ARPP21: variants seen among roughly 807,000 people sequenced by gnomAD.
ARPP21 encodes the protein cAMP regulated phosphoprotein 21, also known as cAMP-regulated phosphoprotein 21.
ARPP21 carries 69 observed loss-of-function variants against 113.2 expected under a neutral mutation model. The observed-to-expected ratio is 0.61, with a 90% CI of 0.50 to 0.74. The LOEUF (loss-of-function observed/expected upper bound fraction) is 0.74. ARPP21 is among the 30% of genes least tolerant of loss of function. The pLI is 0.00. For synonymous variants in ARPP21, 368 were observed against 375.5 expected (o/e 0.98, Z 0.23); for missense variants, 1,070 against 1,037.4 (o/e 1.03, Z -0.43).
At chr3:35,712,232 G>A (rs1027215546) in intron 11 of ARPP21, among the ~76,000 whole-genome samples, 4 of 152,176 alleles carry the variant, frequency 2.6e-5, no homozygotes, top group South Asian at 2.1e-4. Context: ...AGGAAACTGT[G>A]TTACAGAACT....
intron 15 of ARPP21, among the ~76,000 whole-genome samples, chr3:35,735,197 A>G (rs756813238): frequency 4.6e-5 from 7 of 152,200 alleles, no homozygotes; most frequent in Non-Finnish European, 8.8e-5. Context: ...TTAGCTCACA[A>G]CAACCTCTCT....
intron 10 of ARPP21, chr3:35,707,601 T>C: frequency 2.2e-6 from 1 of 452,454 alleles, no homozygotes; most frequent in Non-Finnish European, 4.5e-6. Context: ...AAGAATTGAG[T>C]TCATGTTTTA....
chr3:35,700,355 A>G (rs2085881126), intron 9 of ARPP21, among the ~76,000 whole-genome samples: 1 of 151,768 alleles, frequency 6.6e-6, no homozygotes, highest in Admixed American at 6.6e-5. Context: ...TTTCAAATAT[A>G]GTATGCTAGT....
chr3:35,753,313 A>T (rs2095466652), intron 19 of ARPP21, among the ~76,000 whole-genome samples: 1 of 152,054 alleles, frequency 6.6e-6, no homozygotes, highest in South Asian at 2.1e-4. Flanking sequence ...ACATATGAAT[A>T]TACACATTTT....
At chr3:35,668,026 GAAGA>G (rs2075307486) in intron 1 of ARPP21, among the ~76,000 whole-genome samples, 4 of 143,910 alleles carry the variant, frequency 2.8e-5, no homozygotes, top group African/African-American at 5.2e-5. Flanking sequence ...AGAAGAAGAA[GAAGA>G]AGGAGAAGAA....
At position 35,737,180 on chromosome 3, in the gene ARPP21, C is replaced by A. The variant is rs757154217; in HGVS notation, c.1462C>A (p.Gln488Lys). 8 of 1,601,574 alleles carry A rather than the reference C, an allele frequency of 5.0e-6. No individual in the cohort carries two copies. The highest frequency in any genetic ancestry group is 6.8e-6 in the Non-Finnish European group (8 of 1,170,886). ...GSILLNPHTGQPFVNPDGTPA... is the reference protein window; with the variant it reads ...GSILLNPHTGKPFVNPDGTPA... Reference sequence around the variant, plus strand: ...ACTAAGTTCTGATTCCATTGCAGGCCAGCCCTTTGTGAATCCCGATGGAAC... The same window carrying A: ...ACTAAGTTCTGATTCCATTGCAGGCAAGCCCTTTGTGAATCCCGATGGAAC... Residue 488 changes from glutamine to lysine, a missense_variant and splice_region_variant, in exon 16 of 21, where the codon CAG (glutamine) becomes AAG (lysine). Coordinates refer to ENST00000684406, the MANE Select transcript of ARPP21 (RefSeq NM_001385562.1).
chr3:35,712,161 A>G (rs2091327362), intron 11 of ARPP21, among the ~76,000 whole-genome samples: 1 of 152,210 alleles, frequency 6.6e-6, no homozygotes, highest in Non-Finnish European at 1.5e-5. Context: ...TCATTCTTTC[A>G]TAAGATGATA....
chr3:35,652,072 G>T (rs980224356), intron 1 of ARPP21: 1 of 152,078 alleles, frequency 6.6e-6, no homozygotes, highest in African/African-American at 2.4e-5. Flanking sequence ...CTTTGAAAAA[G>T]AGATGTGGGT....
intron 9 of ARPP21, among the ~76,000 whole-genome samples, chr3:35,699,948 C>T (rs1206542225): frequency 2.6e-5 from 4 of 151,704 alleles, no homozygotes; most frequent in Non-Finnish European, 4.4e-5. Flanking sequence ...TTTAGTATTA[C>T]AATACAGATT....
chr3:35,706,508 C>T (rs2089129193), intron 9 of ARPP21, among the ~76,000 whole-genome samples: 1 of 152,142 alleles, frequency 6.6e-6, no homozygotes. Context: ...TTAAGTGATC[C>T]TCTCTCACTA....
intron 1 of ARPP21, among the ~76,000 whole-genome samples, chr3:35,659,765 T>C (rs1222174077): frequency 6.6e-6 from 1 of 152,094 alleles, no homozygotes; most frequent in Non-Finnish European, 1.5e-5. Context: ...TGTTGTAAGA[T>C]GAGTTTCTCA....
chr3:35,778,242 TTC>T (rs1164096327), intron 19 of ARPP21, among the ~76,000 whole-genome samples: 2 of 152,216 alleles, frequency 1.3e-5, no homozygotes, highest in African/African-American at 4.8e-5. Context: ...GTGCTGGTTA[TTC>T]TCTGTGTTTC....
intron 19 of ARPP21, among the ~76,000 whole-genome samples, chr3:35,783,958 C>T (rs550468634): frequency 1.3e-5 from 2 of 152,212 alleles, no homozygotes; most frequent in Middle Eastern, 3.4e-3. Context: ...TCATCTAATA[C>T]TAGGTTCAAT....
chr3:35,791,608 C>T (rs1024559388), intron 19 of ARPP21, among the ~76,000 whole-genome samples: 2 of 151,858 alleles, frequency 1.3e-5, no homozygotes, highest in Admixed American at 6.6e-5. Flanking sequence ...TTCTGGCCTA[C>T]CTAAAAAAAT....
Position 35,738,309 on chromosome 3 carries a change from C to T in ARPP21, c.1740C>T (p.His580=). 6.5e-7 allele frequency: 1 copy of T among 1,529,426 alleles called. No homozygotes were observed. Among genetic ancestry groups the T allele is most frequent in the Non-Finnish European group, 8.8e-7 (1 of 1,140,712 alleles). 94.7% of individuals were successfully genotyped at this position (1,529,426 alleles called of 1,614,324 possible). A position where few individuals can be genotyped will look rare whatever the true frequency, so the allele number is the denominator to read the frequency against. The change falls in exon 17 of 21, where the codon CAC becomes CAT. Residue 580 remains histidine (H), a synonymous_variant. Coordinates refer to ENST00000684406, the MANE Select transcript of ARPP21 (RefSeq NM_001385562.1). ...TCCTACCTGTGTCTCCAACGCAGCACTTTCCCATGGTACTGTATTATGTGT... is the reference window on the plus strand; with the variant it reads ...TCCTACCTGTGTCTCCAACGCAGCATTTTCCCATGGTACTGTATTATGTGT... ...QHLLPVSPTQ[H]FPMRDDVATQ...
rs570865849 is a variant in ARPP21, at chr3:35,793,563, C to A, written c.2287-138C>A. 22 of 649,800 alleles carry A rather than the reference C, an allele frequency of 3.4e-5. No individual in the cohort carries two copies. The Admixed American group carries it at 4.1e-4, about 12-fold the overall frequency. The allele number at this position is 649,800 out of a possible 1,614,324, so 40.3% of individuals were successfully genotyped here. On this transcript the variant is annotated intron_variant, in intron 20 of 20. Transcript: ENST00000684406. ...AGTGACTTTCCTAATGTGAAACAGC[C>A]GATAAATGGCAGAGCTGGAATTGAT...
At chr3:35,789,740 C>A (rs890773093) in intron 19 of ARPP21, among the ~76,000 whole-genome samples, 13 of 152,162 alleles carry the variant, frequency 8.5e-5, no homozygotes, top group Admixed American at 2.6e-4. Context: ...GGCTCTGCAC[C>A]TTTACTAGGA....
chr3:35,694,063 T>C (rs1353553820), intron 9 of ARPP21, among the ~76,000 whole-genome samples: 1 of 151,628 alleles, frequency 6.6e-6, no homozygotes, highest in Non-Finnish European at 1.5e-5. Context: ...GTTTAAATAA[T>C]TGTAACTATT....
chr3:35,710,460 T>G (rs953083346), intron 11 of ARPP21, among the ~76,000 whole-genome samples: 1 of 151,986 alleles, frequency 6.6e-6, no homozygotes, highest in African/African-American at 2.4e-5. Flanking sequence ...AAGACCTTCA[T>G]AGAGCTTCAT....
Sources: gnomAD v4.1 joint callset for allele counts (sites outside exome capture counted in the v4.1 genomes callset) on GRCh38, gnomAD v4.1.1 for gene constraint, MANE v1.5 for transcripts, NCBI Gene and HGNC (gene_info 2026-07-23, HGNC 2026-07-21) for gene names.